The following FYB1 variants were observed in gnomAD, a reference collection of about 807,000 sequenced individuals.
FYB1 encodes the protein FYN binding protein 1, also known as FYN-binding protein 1.
FYB1 carries 41 observed loss-of-function variants against 94.1 expected under a neutral mutation model. That is an observed-to-expected ratio of 0.44 (90% CI 0.34 to 0.57). The LOEUF is 0.57. FYB1 is among the 20% of genes least tolerant of loss of function. FYB1 has a pLI of 0.02. For missense variants in FYB1, 1,050 were observed against 976.8 expected (o/e 1.07, Z -1.00); for synonymous variants, 367 against 353.2 (o/e 1.04, Z -0.44).
intron 1 of FYB1, among the ~76,000 whole-genome samples, chr5:39,269,414 T>A (rs1232047513): frequency 6.6e-6 from 1 of 152,234 alleles, no homozygotes; most frequent in Non-Finnish European, 1.5e-5. Context: ...GAGGGATTTA[T>A]AAGTCTCACT....
intron 2 of FYB1, among the ~76,000 whole-genome samples, chr5:39,195,327 T>A (rs1478812302): frequency 6.6e-6 from 1 of 152,200 alleles, no homozygotes; most frequent in Non-Finnish European, 1.5e-5. Flanking sequence ...CACATGCTGA[T>A]ATAAAACAGT....
chr5:39,124,090 T>C (rs1740390412), intron 13 of FYB1, among the ~76,000 whole-genome samples, 163 bp downstream of exon 13: 1 of 152,156 alleles, frequency 6.6e-6, no homozygotes, highest in Non-Finnish European at 1.5e-5. Flanking sequence ...TATTTTATCA[T>C]TGAGCACCTG....
intron 2 of FYB1, among the ~76,000 whole-genome samples, chr5:39,196,524 A>G (rs1747855278): frequency 6.6e-6 from 1 of 152,164 alleles, no homozygotes; most frequent in Non-Finnish European, 1.5e-5. Context: ...GAAAGAATAA[A>G]CTTGAGAAGC....
chr5:39,193,884 C>T (rs1007004467), intron 2 of FYB1, among the ~76,000 whole-genome samples: 3 of 152,216 alleles, frequency 2.0e-5, no homozygotes, highest in Non-Finnish European at 4.4e-5. Context: ...TTCAAAGTCA[C>T]ACTCAGAACT....
intron 2 of FYB1, among the ~76,000 whole-genome samples, chr5:39,166,327 T>A (rs1744732069): frequency 6.6e-6 from 1 of 151,754 alleles, no homozygotes; most frequent in Admixed American, 6.6e-5. Flanking sequence ...TCTCAGCTAC[T>A]CGGGAGGCTG....
At chr5:39,146,614 G>A (rs1205648578) in intron 3 of FYB1, among the ~76,000 whole-genome samples, 5 of 152,186 alleles carry the variant, frequency 3.3e-5, no homozygotes, top group Admixed American at 6.5e-5. Flanking sequence ...CCAGATTTAA[G>A]CAATTTACTT....
At chr5:39,196,323 C>T (rs1747836085) in intron 2 of FYB1, among the ~76,000 whole-genome samples, 1 of 151,542 alleles carries the variant, frequency 6.6e-6, no homozygotes, top group Non-Finnish European at 1.5e-5. Context: ...ATTCTCCTGC[C>T]CCAGCCTCCT....
rs374423831 is a variant in FYB1 at position 39,118,867 on chromosome 5, G to A, written c.2401+7C>T. 1.2e-4 allele frequency: 173 copies of A among 1,469,182 alleles called. No individual in the cohort carries two copies. The highest frequency in any genetic ancestry group is 1.4e-4 in the Non-Finnish European group (153 of 1,097,394). 91.0% of individuals were successfully genotyped at this position (1,469,182 alleles called of 1,614,324 possible). On this transcript the variant is annotated splice_region_variant and intron_variant, in intron 16 of 18. Transcript: ENST00000512982. ...ATGCACATATTATAGTATAAGCAGTGACTTACATTTCCCTTCTTCATTTCT... is the reference window on the plus strand; with the variant it reads ...ATGCACATATTATAGTATAAGCAGTAACTTACATTTCCCTTCTTCATTTCT...
chr5:39,202,968 T>G lies in FYB1; in HGVS notation c.-8A>C. The G allele has an allele frequency of 6.2e-7, 1 of 1,613,520 alleles. No homozygotes were observed. Among genetic ancestry groups the G allele is most frequent in the Non-Finnish European group, 8.5e-7 (1 of 1,179,822 alleles). The stretch of plus-strand genomic sequence containing the variant: ...CGTGTTATATTTCGCCATGAGGGAC[T>G]TTACATCTGCCTTTCCATCCTACAA... On this transcript the variant is annotated 5_prime_UTR_variant, in exon 2 of 19. Transcript: ENST00000512982.
chr5:39,122,400 T>C lies in FYB1; in HGVS notation c.2074A>G (p.Met692Val). Residue 692 changes from methionine to valine, a missense_variant and splice_region_variant, in exon 14 of 19, where the codon ATG becomes GTG. Physicochemically the swap from Met to Val is conservative, Grantham distance 21. Coordinates refer to ENST00000512982, the MANE Select transcript of FYB1 (RefSeq NM_001465.6). ...SFPAPPKQLD[M>V]GDEVYDDVDT... ...ACATCATCGTAAACTTCATCTCCCATGTCTAACAAAAGACAGAATATCAAA... is the reference window on the plus strand; with the variant it reads ...ACATCATCGTAAACTTCATCTCCCACGTCTAACAAAAGACAGAATATCAAA... The C allele has an allele frequency of 6.4e-7, 1 of 1,566,160 alleles. No homozygotes were observed. Among genetic ancestry groups the C allele is most frequent in the Non-Finnish European group, 8.7e-7 (1 of 1,148,810 alleles).
At chr5:39,203,118 C>A in intron 1 of FYB1, 131 bp from the exon 2 acceptor site, 1 of 713,886 alleles carries the variant, frequency 1.4e-6, no homozygotes, top group Non-Finnish European at 2.3e-6. Flanking sequence ...GATATTGTAA[C>A]ATTTATCTTC....
intron 1 of FYB1, among the ~76,000 whole-genome samples, chr5:39,269,118 C>T (rs1186066834): frequency 6.6e-6 from 1 of 151,830 alleles, no homozygotes; most frequent in African/African-American, 2.4e-5. Context: ...GGCGTGATCT[C>T]GGCTCACTGC....
intron 16 of FYB1, among the ~76,000 whole-genome samples, chr5:39,111,749 TA>T (rs1456111163): frequency 2.0e-5 from 3 of 151,712 alleles, no homozygotes; most frequent in African/African-American, 7.3e-5. Flanking sequence ...ACTCAGAGTA[TA>T]AAAAACTAGA....
chr5:39,231,380 T>C (rs950125704), intron 1 of FYB1, among the ~76,000 whole-genome samples: 4 of 152,100 alleles, frequency 2.6e-5, no homozygotes, highest in Admixed American at 6.6e-5. Context: ...ATGTACTGAG[T>C]ACCTTTTGGG....
intron 5 of FYB1, 146 bp downstream of exon 5, chr5:39,139,087 T>G (rs1217792296): frequency 1.1e-6 from 1 of 872,472 alleles, no homozygotes; most frequent in Non-Finnish European, 1.7e-6. Context: ...TTAAGCATTT[T>G]AGATGAAATA....
intron 1 of FYB1, among the ~76,000 whole-genome samples, chr5:39,249,179 GC>G (rs113564932): frequency 0.21 from 32,084 of 151,966 alleles, 6,368 homozygotes; most frequent in African/African-American, 0.52. Context: ...GGGGGCTATA[GC>G]AAGAGCCAAA....
intron 2 of FYB1, among the ~76,000 whole-genome samples, chr5:39,162,761 T>C (rs1744372376): frequency 6.6e-6 from 1 of 151,712 alleles, no homozygotes. Context: ...TGTTTTACCA[T>C]AACTTCACTG....
chr5:39,212,004 C>A (rs764400599), intron 1 of FYB1, among the ~76,000 whole-genome samples: 15 of 152,144 alleles, frequency 9.9e-5, no homozygotes, highest in Non-Finnish European at 1.8e-4. Context: ...ACGAGCTAAC[C>A]AAGACAGGTG....
At chr5:39,160,020 C>A (rs1036918991) in intron 2 of FYB1, among the ~76,000 whole-genome samples, 4 of 152,274 alleles carry the variant, frequency 2.6e-5, no homozygotes, top group East Asian at 3.9e-4. Flanking sequence ...TTGGAAAAAA[C>A]CCCTACATTT....
Sources: gnomAD v4.1 joint callset for allele counts (sites outside exome capture counted in the v4.1 genomes callset) on GRCh38, gnomAD v4.1.1 for gene constraint, MANE v1.5 for transcripts, NCBI Gene and HGNC (gene_info 2026-07-23, HGNC 2026-07-21) for gene names.